RUNX1: variants seen among roughly 807,000 people sequenced by gnomAD.
The protein encoded by RUNX1 is runt-related transcription factor 1.
Under a neutral mutation model 42.8 loss-of-function variants are expected in RUNX1, and 19 were observed. The ratio of observed to expected loss-of-function variants is 0.44; its 90% CI spans 0.31 to 0.65. The LOEUF (loss-of-function observed/expected upper bound fraction) is 0.65. Among genes scored for constraint, RUNX1 ranks in the 30% least tolerant of loss-of-function variants. RUNX1 has a pLI of 0.07. For synonymous variants in RUNX1, 271 were observed against 289.4 expected, an observed-to-expected ratio of 0.94 and a Z score of 0.64; for missense variants, 528 against 672.0, an observed-to-expected ratio of 0.79 and a Z score of 2.37.
intron 5 of RUNX1, among the ~76,000 whole-genome samples, chr21:34,863,940 A>G (rs1036168730): frequency 2.6e-5 from 4 of 152,178 alleles, no homozygotes; most frequent in Non-Finnish European, 4.4e-5. Flanking sequence ...CTTTGGGTAC[A>G]AGGACATTTG....
chr21:34,898,943 T>G (rs931895756), intron 2 of RUNX1, among the ~76,000 whole-genome samples: 6 of 152,190 alleles, frequency 3.9e-5, no homozygotes, highest in African/African-American at 1.4e-4. Flanking sequence ...AGACAGAGTC[T>G]CACTCTGTCA....
At chr21:34,952,066 G>A (rs2058612637) in intron 2 of RUNX1, among the ~76,000 whole-genome samples, 1 of 152,128 alleles carries the variant, frequency 6.6e-6, no homozygotes, top group Non-Finnish European at 1.5e-5. Flanking sequence ...ATGAGTTCAT[G>A]TCCTTTGCAG....
intron 7 of RUNX1, among the ~76,000 whole-genome samples, chr21:34,803,577 C>T (rs950501052): frequency 3.3e-5 from 5 of 151,852 alleles, no homozygotes; most frequent in Admixed American, 2.0e-4. Context: ...AAATAAAAAA[C>T]ACTGGATTCA....
chr21:35,047,746 G>A (rs2059411037), intron 2 of RUNX1, among the ~76,000 whole-genome samples: 1 of 152,006 alleles, frequency 6.6e-6, no homozygotes, highest in Non-Finnish European at 1.5e-5. Flanking sequence ...ATACAATTTG[G>A]GTGCTCAAGA....
chr21:35,027,734 A>G (rs2059247369), intron 2 of RUNX1, among the ~76,000 whole-genome samples: 1 of 152,214 alleles, frequency 6.6e-6, no homozygotes, highest in Non-Finnish European at 1.5e-5. Context: ...AAACACACAC[A>G]CACAAACCCC....
At chr21:35,003,530 TAA>T (rs571748934) in intron 2 of RUNX1, among the ~76,000 whole-genome samples, 1,447 of 112,110 alleles carry the variant, frequency 0.013, 19 homozygotes, top group African/African-American at 0.039. Flanking sequence ...TTTTTTTTTT[TAA>T]AAAAAAAGAT....
chr21:34,876,422 G>C (rs1039245775), intron 5 of RUNX1, among the ~76,000 whole-genome samples: 1 of 152,212 alleles, frequency 6.6e-6, no homozygotes, highest in Non-Finnish European at 1.5e-5. Context: ...ATAGGGCTAA[G>C]CTGGCCCTCC....
At chr21:34,834,001 A>G (rs1348920458) in intron 7 of RUNX1, 1 of 359,650 alleles carries the variant, frequency 2.8e-6, no homozygotes, top group African/African-American at 2.1e-5. Flanking sequence ...GAAACATCCC[A>G]TCTTCACTTT....
intron 5 of RUNX1, among the ~76,000 whole-genome samples, chr21:34,877,942 G>A (rs2057838234): frequency 6.6e-6 from 1 of 152,182 alleles, no homozygotes; most frequent in Non-Finnish European, 1.5e-5. Context: ...GGCACTGAAA[G>A]TTTGGATGAG....
At chr21:35,025,667 C>A (rs1283902549) in intron 2 of RUNX1, among the ~76,000 whole-genome samples, 1 of 152,004 alleles carries the variant, frequency 6.6e-6, no homozygotes, top group East Asian at 1.9e-4. Context: ...GGGCCTTCAG[C>A]AGGAGAACAT....
intron 7 of RUNX1, among the ~76,000 whole-genome samples, chr21:34,814,618 G>A (rs1371049528): frequency 6.6e-6 from 1 of 152,204 alleles, no homozygotes; most frequent in African/African-American, 2.4e-5. Flanking sequence ...AGACTGATGA[G>A]CACATGCCAG....
At chr21:34,888,447 G>T in intron 3 of RUNX1, 2 of 1,066,860 alleles carry the variant, frequency 1.9e-6, no homozygotes, top group Non-Finnish European at 2.3e-6. Context: ...AGCCAGGAAA[G>T]AAGTTGAAAA....
chr21:35,005,139 T>A (rs1240625187), intron 2 of RUNX1, among the ~76,000 whole-genome samples: 5 of 151,936 alleles, frequency 3.3e-5, no homozygotes, highest in Admixed American at 3.3e-4. Flanking sequence ...TTTTTTTTTT[T>A]ATTAGAGTTG....
intron 2 of RUNX1, among the ~76,000 whole-genome samples, chr21:34,946,516 T>G (rs2058564179): frequency 6.6e-6 from 1 of 152,190 alleles, no homozygotes; most frequent in Non-Finnish European, 1.5e-5. Flanking sequence ...TGGTGATGTT[T>G]GAGAAGTTAC....
chr21:34,806,458 T>G (rs967863830), intron 7 of RUNX1, among the ~76,000 whole-genome samples: 1 of 152,188 alleles, frequency 6.6e-6, no homozygotes, highest in African/African-American at 2.4e-5. Context: ...TATGTCCACC[T>G]AAAAACTGAG....
chr21:34,892,848 T>C, intron 3 of RUNX1, 77 bp downstream of exon 3: 1 of 847,578 alleles, frequency 1.2e-6, no homozygotes. Flanking sequence ...TACATAGAGA[T>C]ACATAGATAT....
intron 5 of RUNX1, among the ~76,000 whole-genome samples, chr21:34,863,413 C>T (rs1467212249): frequency 1.3e-5 from 2 of 152,152 alleles, no homozygotes; most frequent in African/African-American, 2.4e-5. Context: ...GCGTTTGGGC[C>T]TCTGGCAGTT....
At chr21:34,973,051 C>T (rs2058774183) in intron 2 of RUNX1, among the ~76,000 whole-genome samples, 1 of 152,102 alleles carries the variant, frequency 6.6e-6, no homozygotes, top group South Asian at 2.1e-4. Context: ...CCAATATATC[C>T]CAAACTAATC....
In RUNX1 at chr21:34,907,942, G is replaced by A. The variant is rs546598665; in HGVS notation, c.59-14979C>T. ...TAGAGGGAAAAGGAGGCTCTGAAAAGTGAGTGGCTCTTCTAAGCTCCCGAA... is the reference window on the plus strand; with the variant it reads ...TAGAGGGAAAAGGAGGCTCTGAAAAATGAGTGGCTCTTCTAAGCTCCCGAA... On this transcript the variant is annotated intron_variant, in intron 2 of 8. Transcript: ENST00000675419. The surrounding 1 kb of genome is among the most constrained non-coding windows in gnomAD (Gnocchi z 5.3). 8.5e-4 allele frequency among the ~76,000 whole-genome samples: 129 copies of A among 152,308 alleles called. No homozygotes were observed. Among genetic ancestry groups the A allele is most frequent in the Middle Eastern group, 3.4e-3 (1 of 294 alleles).
Sources: gnomAD v4.1 joint callset for allele counts (sites outside exome capture counted in the v4.1 genomes callset) on GRCh38, gnomAD v4.1.1 for gene constraint, Gnocchi (gnomAD v3.1) non-coding constraint, MANE v1.5 for transcripts, NCBI Gene and HGNC (gene_info 2026-07-23, HGNC 2026-07-21) for gene names.